The following EFCAB6 variants were observed in gnomAD, a reference collection of about 807,000 sequenced individuals.
EFCAB6 encodes the protein EF-hand calcium binding domain 6.
Under a neutral mutation model 169.8 loss-of-function variants are expected in EFCAB6, and 156 were observed. That is an observed-to-expected ratio of 0.92 (90% CI 0.81 to 1.05). The LOEUF is 1.05. Ranked by LOEUF, EFCAB6 falls within the 50% of genes least tolerant of loss-of-function variation. The pLI, the probability that EFCAB6 is intolerant of heterozygous loss-of-function variation, is 0.00. For missense variants in EFCAB6, 1,800 were observed against 1,829.1 expected (o/e 0.98, Z 0.29); for synonymous variants, 698 against 676.4 (o/e 1.03, Z -0.50).
At chr22:43,623,356 T>C (rs2054239705) in intron 20 of EFCAB6, among the ~76,000 whole-genome samples, 3 of 152,218 alleles carry the variant, frequency 2.0e-5, no homozygotes, top group Non-Finnish European at 4.4e-5. Context: ...AAACAAGGAC[T>C]GGAAGGGAAT....
intron 17 of EFCAB6, among the ~76,000 whole-genome samples, chr22:43,666,689 T>G (rs916625286): frequency 5.2e-5 from 6 of 114,412 alleles, no homozygotes; most frequent in African/African-American, 1.2e-4. Context: ...CACTGCCAGA[T>G]TGTTTTTTTT....
chr22:43,740,804 C>G (rs917265172), intron 6 of EFCAB6, among the ~76,000 whole-genome samples: 3 of 152,222 alleles, frequency 2.0e-5, no homozygotes, highest in Non-Finnish European at 4.4e-5. Context: ...AGCGCCTGCT[C>G]TCATGGCCGG....
Position 43,729,999 on chromosome 22 carries a change from A to AT in EFCAB6, c.757+1699dup, listed in dbSNP as rs201344400. 2.5e-3 allele frequency among the ~76,000 whole-genome samples: 372 copies of AT among 146,270 alleles called. 10 individuals carry two copies. The East Asian group carries it at 0.064, about 25-fold the overall frequency. On this transcript the variant is annotated intron_variant, in intron 8 of 31. Transcript: ENST00000262726. ...AACATAGTGAGACCCTGTCTCTAGA[A>AT]TTTTTTTTTTTAAAGTTAGCCAGGC... is the stretch of plus-strand genomic sequence containing the variant.
At chr22:43,543,287 T>C (rs2047854081) in intron 27 of EFCAB6, among the ~76,000 whole-genome samples, 2 of 152,184 alleles carry the variant, frequency 1.3e-5, no homozygotes, top group Admixed American at 6.5e-5. Context: ...ACGTGCAGGC[T>C]GCCATGTCAG....
chr22:43,685,923 T>C (rs566310943), intron 11 of EFCAB6, among the ~76,000 whole-genome samples: 2 of 152,338 alleles, frequency 1.3e-5, no homozygotes, highest in African/African-American at 4.8e-5. Context: ...AAGTGTTCTA[T>C]TGTGTTTTTA....
intron 26 of EFCAB6, among the ~76,000 whole-genome samples, chr22:43,565,598 G>C (rs1022035759): frequency 4.6e-5 from 7 of 152,176 alleles, no homozygotes; most frequent in Non-Finnish European, 1.0e-4. Context: ...AAAGTGGTTA[G>C]CAAGGTCCAT....
intron 27 of EFCAB6, among the ~76,000 whole-genome samples, chr22:43,549,918 T>C (rs2048288013): frequency 1.3e-5 from 2 of 152,248 alleles, no homozygotes; most frequent in Admixed American, 1.3e-4. Flanking sequence ...ACTACTTGTG[T>C]ATCTCAATAG....
In EFCAB6 at chr22:43,711,547, T is replaced by G. The variant is rs150560112; in HGVS notation, c.959A>C (p.Asn320Thr). The change falls in exon 10 of 32, where the codon AAT becomes ACT. Residue 320 changes from asparagine (N) to threonine (T), a missense_variant. By Grantham distance (65) the Asn-to-Thr change is moderately conservative. Transcript: ENST00000262726. ...AGTGTCGAGGACAATCTTTAGATAA[T>G]TAAAAGACACGTAGCCACCTTTACA... ...DPCKGGYVSF[N>T]YLKIVLDTFV... The G allele has an allele frequency of 2.7e-5, 43 of 1,605,394 alleles. No individual in the cohort carries two copies. The highest frequency in any genetic ancestry group is 3.6e-5 in the Non-Finnish European group (42 of 1,178,160).
intron 17 of EFCAB6, among the ~76,000 whole-genome samples, chr22:43,650,300 T>C (rs949051360): frequency 1.3e-5 from 2 of 152,150 alleles, no homozygotes; most frequent in African/African-American, 4.8e-5. Flanking sequence ...GCTGTTCTCA[T>C]GATAGTGAAT....
At position 43,594,305 on chromosome 22, in the gene EFCAB6, A is replaced by G. The variant is rs1015064673; in HGVS notation, c.2877-4076T>C. On this transcript the variant is annotated intron_variant, in intron 23 of 31. Coordinates refer to ENST00000262726, the MANE Select transcript of EFCAB6 (RefSeq NM_022785.4). ...AAAAAAAAAAAAAAAAAAAGAAAAG[A>G]CATGAGTAACTAGTTTTAAAATTTG... is the stretch of plus-strand genomic sequence containing the variant. 7.3e-5 allele frequency among the ~76,000 whole-genome samples: 11 copies of G among 151,088 alleles called. No individual in the cohort carries two copies. The South Asian group carries it at 2.3e-3, about 32-fold the overall frequency.
intron 10 of EFCAB6, among the ~76,000 whole-genome samples, chr22:43,689,127 A>C (rs902051490): frequency 1.4e-4 from 22 of 151,934 alleles, no homozygotes; most frequent in African/African-American, 2.7e-4. Flanking sequence ...TGGGGGTGGG[A>C]TGTATCAGTG....
intron 4 of EFCAB6, 101 bp downstream of exon 4, chr22:43,772,791 T>C: frequency 7.7e-7 from 1 of 1,299,700 alleles, no homozygotes. Flanking sequence ...AACTGCTCAG[T>C]GGCAACAGTG....
chr22:43,739,800 G>A (rs755815380), intron 6 of EFCAB6, among the ~76,000 whole-genome samples: 43 of 138,662 alleles, frequency 3.1e-4, no homozygotes, highest in Non-Finnish European at 4.8e-4. Flanking sequence ...GCTTCTCCCC[G>A]CACTCCGGGT....
intron 22 of EFCAB6, among the ~76,000 whole-genome samples, chr22:43,604,700 GT>G (rs961312748): frequency 1.0e-4 from 15 of 148,338 alleles, no homozygotes; most frequent in Admixed American, 3.4e-4. Context: ...AAAACCATGG[GT>G]TTTTTTTTTG....
intron 26 of EFCAB6, among the ~76,000 whole-genome samples, chr22:43,568,693 C>T (rs1239737741): frequency 6.6e-6 from 1 of 152,092 alleles, no homozygotes; most frequent in Non-Finnish European, 1.5e-5. Flanking sequence ...TTCCATGGGG[C>T]CTGGCTGAGG....
chr22:43,561,344 G>A (rs569769580), intron 26 of EFCAB6, among the ~76,000 whole-genome samples: 6 of 147,798 alleles, frequency 4.1e-5, no homozygotes, highest in Non-Finnish European at 7.4e-5. Flanking sequence ...GCAACAGAGC[G>A]AGACTCTGTC....
intron 17 of EFCAB6, among the ~76,000 whole-genome samples, chr22:43,664,853 G>A (rs2057171779): frequency 6.6e-6 from 1 of 152,126 alleles, no homozygotes; most frequent in South Asian, 2.1e-4. Flanking sequence ...CCACTGAGGG[G>A]TCGCTCTGGC....
In EFCAB6 at chr22:43,730,182, T is replaced by A. The variant is rs1352250052; in HGVS notation, c.757+1517A>T. Among the ~76,000 whole-genome samples the A allele has an allele frequency of 1.2e-4, 7 of 56,832 alleles. 1 individual carries two copies. The East Asian group carries it at 3.1e-3, about 25-fold the overall frequency. 37.3% of individuals were successfully genotyped at this position (56,832 alleles called of 152,430 possible). On this transcript the variant is annotated intron_variant, in intron 8 of 31. Transcript: ENST00000262726. ...GGGCAACAGAGCAAGCGAGACCTTGTAGAAATAAGAAAGAAAAAAGAGAGG... is the reference window on the plus strand; with the variant it reads ...GGGCAACAGAGCAAGCGAGACCTTGAAGAAATAAGAAAGAAAAAAGAGAGG...
intron 17 of EFCAB6, 46 bp from the exon 18 acceptor site, chr22:43,635,262 C>A (rs202021345): frequency 1.7e-5 from 23 of 1,361,650 alleles, no homozygotes; most frequent in African/African-American, 2.9e-5. Context: ...AGGTGGTCCG[C>A]GGGTCACTAC....
Sources: gnomAD v4.1 joint callset for allele counts (sites outside exome capture counted in the v4.1 genomes callset) on GRCh38, gnomAD v4.1.1 for gene constraint, MANE v1.5 for transcripts, NCBI Gene and HGNC (gene_info 2026-07-23, HGNC 2026-07-21) for gene names.